The following WDPCP variants were observed in gnomAD, a reference collection of about 807,000 sequenced individuals.
WDPCP encodes WD repeat-containing and planar cell polarity effector protein fritz homolog.
WDPCP carries 71 observed loss-of-function variants against 93.1 expected under a neutral mutation model. That is an observed-to-expected ratio of 0.76 (90% CI 0.63 to 0.93). The LOEUF (loss-of-function observed/expected upper bound fraction) is 0.93. Among genes scored for constraint, WDPCP ranks in the 40% least tolerant of loss-of-function variants. The pLI, the probability that WDPCP is intolerant of heterozygous loss-of-function variation, is 0.00. For missense variants in WDPCP, 844 were observed against 887.4 expected (o/e 0.95, Z 0.62); for synonymous variants, 315 against 315.0 (o/e 1.00, Z 0.00).
At chr2:63,409,672 A>G (rs1293678280) in intron 9 of WDPCP, among the ~76,000 whole-genome samples, 1 of 152,212 alleles carries the variant, frequency 6.6e-6, no homozygotes, top group African/African-American at 2.4e-5. Flanking sequence ...AAGGAGAAAT[A>G]TTCAAGGAAA....
rs1196006011 is a variant in WDPCP, at chr2:63,700,282, C to CAAA, written n.309-49447_309-49445dup. On this transcript the variant is annotated intron_variant and non_coding_transcript_variant, in intron 2 of 4. Coordinates refer to the WDPCP transcript ENST00000467687. ...TGGGTGACAGAGTGAGACCCTGTCT[C>CAAA]AAAAAAAAAAAAAAAAAAAAACAAA... Among the ~76,000 whole-genome samples, 78 of 41,466 alleles carry CAAA rather than the reference C, an allele frequency of 1.9e-3. 1 individual carries two copies. The highest frequency in any genetic ancestry group is 2.7e-3 in the South Asian group (3 of 1,096). 27.2% of individuals were successfully genotyped at this position (41,466 alleles called of 152,430 possible).
At chr2:63,743,193 A>G (rs982773261) in intron 2 of WDPCP, among the ~76,000 whole-genome samples, 1 of 152,084 alleles carries the variant, frequency 6.6e-6, no homozygotes, top group East Asian at 1.9e-4. Flanking sequence ...TGTTATTCCA[A>G]CAAAATTTCA....
At chr2:63,495,329 CCTA>C (rs1701158585) in intron 1 of WDPCP, among the ~76,000 whole-genome samples, 1 of 152,152 alleles carries the variant, frequency 6.6e-6, no homozygotes, top group Admixed American at 6.5e-5. Flanking sequence ...CTCTAGTAAG[CCTA>C]CTATTACTCA....
intron 12 of WDPCP, among the ~76,000 whole-genome samples, chr2:63,339,322 G>A (rs1044473261): frequency 3.3e-5 from 5 of 151,916 alleles, no homozygotes; most frequent in African/African-American, 7.3e-5. Flanking sequence ...ATAGGCACAC[G>A]ACATCACGTC....
intron 2 of WDPCP, among the ~76,000 whole-genome samples, chr2:63,783,944 G>A (rs926107931): frequency 1.3e-5 from 2 of 152,148 alleles, no homozygotes; most frequent in Non-Finnish European, 2.9e-5. Flanking sequence ...AGTTTAGCCT[G>A]ATTTCCCTGA....
At chr2:63,732,912 G>T (rs1257428291) in intron 2 of WDPCP, among the ~76,000 whole-genome samples, 1 of 152,168 alleles carries the variant, frequency 6.6e-6, no homozygotes, top group East Asian at 1.9e-4. Flanking sequence ...CTACAGATAT[G>T]TAAAAAGTCA....
At chr2:63,500,193 C>G (rs774307709) in intron 1 of WDPCP, among the ~76,000 whole-genome samples, 3 of 152,096 alleles carry the variant, frequency 2.0e-5, no homozygotes, top group Non-Finnish European at 4.4e-5. Context: ...GAATTTTAGA[C>G]TCAGTGGGAG....
At chr2:63,127,215 A>G (rs1459417036) in intron 17 of WDPCP, among the ~76,000 whole-genome samples, 18 of 150,158 alleles carry the variant, frequency 1.2e-4, no homozygotes, top group Non-Finnish European at 1.9e-4. Context: ...TCCGCCTCCA[A>G]GGTTCAAGCA....
At chr2:63,129,111 T>C (rs2153398437) in intron 17 of WDPCP, among the ~76,000 whole-genome samples, 1 of 152,368 alleles carries the variant, frequency 6.6e-6, no homozygotes, top group South Asian at 2.1e-4. Flanking sequence ...CAGAACTTCA[T>C]TCCCTTTTTA....
At chr2:63,831,047 C>T (rs1043688862), upstream of WDPCP, among the ~76,000 whole-genome samples, 2 of 152,110 alleles carry the variant, frequency 1.3e-5, no homozygotes, top group Non-Finnish European at 2.9e-5. Flanking sequence ...TCACCCTTTA[C>T]CACTCAAAAA....
intron 13 of WDPCP, among the ~76,000 whole-genome samples, chr2:63,276,919 A>G (rs1435378090): frequency 6.6e-6 from 1 of 152,216 alleles, no homozygotes; most frequent in African/African-American, 2.4e-5. Flanking sequence ...GTTTAGGCAC[A>G]TAGTCATCAA....
intron 14 of WDPCP, among the ~76,000 whole-genome samples, chr2:63,191,561 C>T (rs1675044204): frequency 6.6e-6 from 1 of 152,112 alleles, no homozygotes; most frequent in Non-Finnish European, 1.5e-5. Context: ...TTCCTAAGAG[C>T]CACAGTCTCC....
At chr2:63,167,383 AT>A (rs937754026) in intron 15 of WDPCP, among the ~76,000 whole-genome samples, 2 of 144,702 alleles carry the variant, frequency 1.4e-5, no homozygotes, top group South Asian at 4.3e-4. Context: ...CCCTTTTCTC[AT>A]TTTTTTTTCT....
chr2:63,725,470 A>G (rs1348735332), intron 2 of WDPCP, among the ~76,000 whole-genome samples: 1 of 152,076 alleles, frequency 6.6e-6, no homozygotes, highest in Non-Finnish European at 1.5e-5. Context: ...GGTTGATTCC[A>G]TGTCTTTGCT....
intron 2 of WDPCP, among the ~76,000 whole-genome samples, chr2:63,739,060 G>A (rs1420612694): frequency 6.6e-6 from 1 of 151,932 alleles, no homozygotes; most frequent in African/African-American, 2.4e-5. Flanking sequence ...TAGGTTTGGG[G>A]GTACTTGTGA....
upstream of WDPCP, among the ~76,000 whole-genome samples, chr2:63,832,563 A>C (rs1201846702): frequency 6.6e-6 from 1 of 152,204 alleles, no homozygotes; most frequent in Non-Finnish European, 1.5e-5. Context: ...CTTAGAAGTG[A>C]TCACTTTTGT....
At chr2:63,456,726 G>A (rs545038862) in intron 6 of WDPCP, among the ~76,000 whole-genome samples, 1 of 152,000 alleles carries the variant, frequency 6.6e-6, no homozygotes, top group East Asian at 1.9e-4. Context: ...ATGAAAAGTT[G>A]GTTCTTCAGG....
intron 2 of WDPCP, among the ~76,000 whole-genome samples, chr2:63,688,153 G>A (rs891350979): frequency 6.6e-6 from 1 of 152,144 alleles, no homozygotes; most frequent in Non-Finnish European, 1.5e-5. Flanking sequence ...TTGGCCTGGC[G>A]CGGTGGCTCA....
chr2:63,432,427 A>G (rs1017812935), intron 9 of WDPCP, among the ~76,000 whole-genome samples: 3 of 152,118 alleles, frequency 2.0e-5, no homozygotes, highest in Non-Finnish European at 2.9e-5. Flanking sequence ...AGACACTAAG[A>G]TCCTTGAAGG....
Sources: allele counts gnomAD v4.1 joint callset (sites outside exome capture counted in the v4.1 genomes callset), GRCh38; gene constraint gnomAD v4.1.1; transcripts MANE v1.5; gene names NCBI Gene and HGNC (gene_info 2026-07-23, HGNC 2026-07-21).